Variants in NIPAL1 observed in about 807,000 individuals in gnomAD.
NIPAL1 encodes NIPA like domain containing 1.
Under a neutral mutation model 37.7 loss-of-function variants are expected in NIPAL1, and 35 were observed. The ratio of observed to expected loss-of-function variants is 0.93; its 90% confidence interval spans 0.71 to 1.23. The LOEUF is 1.23. Ranked by LOEUF, NIPAL1 falls within the 50% of genes most tolerant of loss-of-function variation. NIPAL1 has a pLI of 0.00. For missense variants in NIPAL1, 412 were observed against 473.9 expected (o/e 0.87, Z 1.21); for synonymous variants, 162 against 183.0 (o/e 0.89, Z 0.93).
intron 1 of NIPAL1, among the ~76,000 whole-genome samples, chr4:48,023,271 G>C (rs1007806193): frequency 1.3e-5 from 2 of 152,074 alleles, no homozygotes; most frequent in African/African-American, 2.4e-5. Context: ...TGAAATAATA[G>C]TCATGAAAAC....
At position 48,037,445 on chromosome 4, in the gene NIPAL1, T is replaced by C. The variant is rs1715979323; in HGVS notation, c.*1273T>C. 4.7e-6 allele frequency: 1 copy of C among 213,180 alleles called. No individual in the cohort carries two copies. Among genetic ancestry groups the C allele is most frequent in the African/African-American group, 2.3e-5 (1 of 42,796 alleles). 13.2% of individuals were successfully genotyped at this position (213,180 alleles called of 1,614,324 possible). On this transcript the variant is annotated 3_prime_UTR_variant, in exon 6 of 6. Coordinates refer to ENST00000295461, the MANE Select transcript of NIPAL1 (RefSeq NM_207330.3). Reference sequence around the variant, plus strand: ...TTGATATAGAGATTTTTGTAAAAGATTGCTACATTATTTCAGGATTATATC... The same window carrying C: ...TTGATATAGAGATTTTTGTAAAAGACTGCTACATTATTTCAGGATTATATC...
intron 2 of NIPAL1, among the ~76,000 whole-genome samples, chr4:48,025,734 GTAA>G (rs1343787214): frequency 4.6e-5 from 7 of 152,054 alleles, no homozygotes; most frequent in Non-Finnish European, 8.8e-5. Flanking sequence ...CTAGGCTACA[GTAA>G]TAATAACTCA....
At position 48,033,083 on chromosome 4, in the gene NIPAL1, G is replaced by GGTAT; in HGVS notation, c.461+3_461+6dup. On this transcript the variant is annotated frameshift_variant and splice_region_variant. Transcript: ENST00000295461. LOFTEE classifies it high-confidence loss of function. ...CTGGGTGCTTTGAGTGTTCTCATAA[G>GGTAT]GTATGTGAGCAACAGGGAACTTGGC... 1 of 1,602,160 alleles carries GGTAT rather than the reference G, an allele frequency of 6.2e-7. No homozygotes were observed. The highest frequency in any genetic ancestry group is 8.5e-7 in the Non-Finnish European group (1 of 1,169,632).
rs1355421557 is a variant in NIPAL1, at chr4:48,027,544, C to T, written c.313+2210C>T. Among the ~76,000 whole-genome samples the T allele has an allele frequency of 1.3e-5, 2 of 152,146 alleles. No individual in the cohort carries two copies. Among genetic ancestry groups the T allele is most frequent in the Non-Finnish European group, 2.9e-5 (2 of 68,010 alleles). ...TTCCAAGTTAGTAATTTGCCAATTT[C>T]TTAAGAAGAAAGTCCTAAATAAGCA... On this transcript the variant is annotated intron_variant, in intron 2 of 5. Coordinates refer to ENST00000295461, the MANE Select transcript of NIPAL1 (RefSeq NM_207330.3). This position sits in a 1 kb window ranked among gnomAD's most constrained non-coding sequence, Gnocchi z 4.1.
intron 1 of NIPAL1, 103 bp from the exon 2 acceptor site, chr4:48,024,965 G>A (rs1715653553): frequency 2.0e-6 from 2 of 987,000 alleles, no homozygotes. Flanking sequence ...GTAGTAAAAT[G>A]TTTCAGTACC....
chr4:48,022,340 A>G (rs144530923), intron 1 of NIPAL1, among the ~76,000 whole-genome samples: 21 of 152,324 alleles, frequency 1.4e-4, no homozygotes, highest in African/African-American at 4.6e-4. Flanking sequence ...TTAAGTCCTA[A>G]GGTCAGTAAC....
intron 3 of NIPAL1, 73 bp downstream of exon 3, chr4:48,030,249 G>A (rs1235194503): frequency 5.2e-5 from 49 of 948,320 alleles, no homozygotes; most frequent in East Asian, 5.0e-4. Flanking sequence ...TTTCATAATT[G>A]GTTAATCTTC....
chr4:48,028,460 AC>A (rs1370820819), intron 2 of NIPAL1, among the ~76,000 whole-genome samples: 2 of 152,202 alleles, frequency 1.3e-5, no homozygotes, highest in Non-Finnish European at 2.9e-5. Flanking sequence ...AAAACCTGAA[AC>A]TATAAAAGCC....
At chr4:48,028,521 A>C (rs1249671644) in intron 2 of NIPAL1, among the ~76,000 whole-genome samples, 1 of 152,220 alleles carries the variant, frequency 6.6e-6, no homozygotes, top group Non-Finnish European at 1.5e-5. Context: ...CTAGGCAAAG[A>C]ATTTGTGACT....
At chr4:48,029,986 T>G in intron 2 of NIPAL1, 134 bp from the exon 3 acceptor site, 1 of 512,222 alleles carries the variant, frequency 2.0e-6, no homozygotes, top group Admixed American at 3.2e-5. Context: ...ACCAAGTAAA[T>G]AAGCTAAGAG....
At chr4:48,022,820 C>CA (rs56833476) in intron 1 of NIPAL1, among the ~76,000 whole-genome samples, 72,252 of 150,370 alleles carry the variant, frequency 0.48, 17,780 homozygotes, top group Non-Finnish European at 0.53. Context: ...CCCATCTCTA[C>CA]AAAAAAAAAC....
chr4:48,035,154 G>C lies in NIPAL1; in HGVS notation c.622+113G>C, dbSNP rs543601213. The C allele has an allele frequency of 1.0e-5, 9 of 891,956 alleles. No individual in the cohort carries two copies. The African/African-American group carries it at 1.5e-4, about 15-fold the overall frequency. 55.3% of individuals were successfully genotyped at this position (891,956 alleles called of 1,614,324 possible). ...TTTCTACATTGTGGGCCGCATTGTG[G>C]GTTGTGAGACACAGTGAGGTTTGAT... On this transcript the variant is annotated intron_variant, in intron 5 of 5. Coordinates refer to ENST00000295461, the MANE Select transcript of NIPAL1 (RefSeq NM_207330.3).
intron 3 of NIPAL1, 93 bp from the exon 4 acceptor site, chr4:48,032,900 G>C (rs1715853225): frequency 4.1e-6 from 3 of 736,728 alleles, no homozygotes; most frequent in Admixed American, 4.5e-5. Flanking sequence ...CATGTATTTG[G>C]GTTAAAAGTC....
chr4:48,017,499 G>A (rs1422945140), intron 1 of NIPAL1, among the ~76,000 whole-genome samples: 2 of 151,590 alleles, frequency 1.3e-5, no homozygotes, highest in Non-Finnish European at 2.9e-5. Context: ...CACTCTGGCT[G>A]CTTAAGGCGA....
At chr4:48,025,780 G>A (rs1331204389) in intron 2 of NIPAL1, among the ~76,000 whole-genome samples, 1 of 152,124 alleles carries the variant, frequency 6.6e-6, no homozygotes, top group Non-Finnish European at 1.5e-5. Context: ...CTATCTTCTT[G>A]ATGGAGTCAG....
chr4:48,033,116 G>A (rs756249098), intron 4 of NIPAL1, 33 bp downstream of exon 4: 1 of 1,315,304 alleles, frequency 7.6e-7, no homozygotes, highest in Non-Finnish European at 1.1e-6. Flanking sequence ...GGCTTCTGTA[G>A]GTATTTTAAG....
At chr4:48,034,852 G>A in intron 4 of NIPAL1, 29 bp from the exon 5 acceptor site, 1 of 1,582,184 alleles carries the variant, frequency 6.3e-7, no homozygotes, top group Non-Finnish European at 8.7e-7. Context: ...TTGAGCTATA[G>A]TGATTTTTAA....
intron 1 of NIPAL1, among the ~76,000 whole-genome samples, chr4:48,018,599 G>A (rs1264656228): frequency 1.3e-5 from 2 of 152,174 alleles, no homozygotes; most frequent in Non-Finnish European, 2.9e-5. Flanking sequence ...GTAGGTGCAG[G>A]TGGGATTACA....
At chr4:48,029,288 T>A (rs1434025352) in intron 2 of NIPAL1, among the ~76,000 whole-genome samples, 1 of 152,172 alleles carries the variant, frequency 6.6e-6, no homozygotes, top group Non-Finnish European at 1.5e-5. Flanking sequence ...TGGACGGAAC[T>A]GGAGGCCATT....
Sources: gnomAD v4.1 joint callset for allele counts (sites outside exome capture counted in the v4.1 genomes callset) on GRCh38, gnomAD v4.1.1 for gene constraint, Gnocchi (gnomAD v3.1) non-coding constraint, MANE v1.5 for transcripts, NCBI Gene and HGNC (gene_info 2026-07-23, HGNC 2026-07-21) for gene names.